FHIP1A: variants seen among roughly 807,000 people sequenced by gnomAD.
The protein encoded by FHIP1A is FHF complex subunit HOOK-interacting protein 1A.
A neutral mutation model predicts 88.6 loss-of-function variants in FHIP1A; 61 were observed. The ratio of observed to expected loss-of-function variants is 0.69; its 90% CI spans 0.56 to 0.85. The LOEUF (loss-of-function observed/expected upper bound fraction) is 0.85. Ranked by LOEUF, FHIP1A falls within the 40% of genes least tolerant of loss-of-function variation. FHIP1A has a pLI of 0.00. For missense variants in FHIP1A, 1,154 were observed against 1,273.5 expected, an observed-to-expected ratio of 0.91 and a Z score of 1.43; for synonymous variants, 478 against 496.0, an observed-to-expected ratio of 0.96 and a Z score of 0.48.
rs115786872 is a variant in FHIP1A, at chr4:151,429,370, C to T, written c.-356+19905C>T. On this transcript the variant is annotated intron_variant, in intron 1 of 13. Coordinates refer to ENST00000435205, the MANE Select transcript of FHIP1A (RefSeq NM_001109977.3). The stretch of plus-strand genomic sequence containing the variant: ...TATGGCCATCATCTAGTTAATTAAG[C>T]GCACACACAATACCAATACCAAAGA... Among the ~76,000 whole-genome samples the T allele has an allele frequency of 4.7e-3, 714 of 152,230 alleles. 3 individuals carry two copies. The highest frequency in any genetic ancestry group is 0.016 in the African/African-American group (659 of 41,530).
intron 3 of FHIP1A, among the ~76,000 whole-genome samples, chr4:151,517,877 A>G (rs1032474771): frequency 2.0e-5 from 3 of 152,182 alleles, no homozygotes; most frequent in Non-Finnish European, 4.4e-5. Flanking sequence ...GTACAGCTGT[A>G]CAATCTGTGT....
At chr4:151,654,077 T>G (rs367899214) in intron 11 of FHIP1A, among the ~76,000 whole-genome samples, 10 of 152,012 alleles carry the variant, frequency 6.6e-5, no homozygotes, top group South Asian at 6.2e-4. Context: ...GCAGGGTTTT[T>G]TTTTTTTTTT....
At chr4:151,476,321 AT>A (rs1224275904) in intron 2 of FHIP1A, among the ~76,000 whole-genome samples, 1 of 150,314 alleles carries the variant, frequency 6.7e-6, no homozygotes, top group African/African-American at 2.4e-5. Flanking sequence ...TTTTTATTTC[AT>A]TTTTTTTGTC....
chr4:151,585,017 ACT>A (rs1734156968), intron 5 of FHIP1A, among the ~76,000 whole-genome samples: 1 of 152,102 alleles, frequency 6.6e-6, no homozygotes, highest in Admixed American at 6.6e-5. Flanking sequence ...CATTTCTAAC[ACT>A]GTTTTAATTG....
intron 7 of FHIP1A, among the ~76,000 whole-genome samples, chr4:151,589,654 G>A (rs6853955): frequency 0.26 from 39,663 of 152,084 alleles, 5,819 homozygotes; most frequent in Non-Finnish European, 0.33. Flanking sequence ...TTGATCATAT[G>A]TTGTTTTGAT....
At chr4:151,590,984 T>C (rs1734401863) in intron 7 of FHIP1A, among the ~76,000 whole-genome samples, 1 of 152,224 alleles carries the variant, frequency 6.6e-6, no homozygotes, top group Admixed American at 6.5e-5. Flanking sequence ...TTGTATCCAT[T>C]GCAGACAATT....
intron 3 of FHIP1A, among the ~76,000 whole-genome samples, chr4:151,506,962 T>C (rs1179814005): frequency 6.6e-6 from 1 of 152,102 alleles, no homozygotes; most frequent in African/African-American, 2.4e-5. Flanking sequence ...AAAAAATAAA[T>C]CAAATATGAC....
At chr4:151,430,822 G>T (rs956478586) in intron 1 of FHIP1A, among the ~76,000 whole-genome samples, 1 of 152,092 alleles carries the variant, frequency 6.6e-6, no homozygotes, top group Non-Finnish European at 1.5e-5. Flanking sequence ...TATAGTAGAC[G>T]GCTCTGTAAG....
rs1737259910 is a variant in FHIP1A, at chr4:151,656,809, G to A, written c.2780G>A (p.Arg927Lys). 3 of 1,551,702 alleles carry A rather than the reference G, an allele frequency of 1.9e-6. No homozygotes were observed. The highest frequency in any genetic ancestry group is 2.6e-6 in the Non-Finnish European group (3 of 1,146,980). ...ATTGAACAGTTTGCTTCTGTGGAGA[G>A]AGACTTCCCAGGGCTCCTCATTCAA... is the stretch of plus-strand genomic sequence containing the variant. ...NKIEQFASVE[R>K]DFPGLLIQAQ... Residue 927 changes from arginine (R) to lysine (K), a missense_variant, in exon 13 of 14, where the codon AGA becomes AAA. Arg to Lys is a conservative substitution (Grantham distance 26, BLOSUM62 2). Coordinates refer to ENST00000435205, the MANE Select transcript of FHIP1A (RefSeq NM_001109977.3). This position sits in a 1 kb window ranked among gnomAD's most constrained non-coding sequence, Gnocchi z 4.2.
chr4:151,658,168 GGTAA>G (rs1402905102), intron 13 of FHIP1A, among the ~76,000 whole-genome samples: 1 of 152,218 alleles, frequency 6.6e-6, no homozygotes, highest in Non-Finnish European at 1.5e-5. Flanking sequence ...ACACATGGGT[GGTAA>G]GTGTGTGACC....
rs1398182547 is a variant in FHIP1A at position 151,656,400 on chromosome 4, C to A, written c.2720C>A (p.Ser907Tyr). ...TNMVFQPSVR[S>Y]LYQVLASVKN... ...ATGGTCTTCCAGCCAAGCGTCCGCT[C>A]TCTCTATCAGGTATGTTAGCTGAAC... Residue 907 changes from serine (S) to tyrosine (Y), a missense_variant, in exon 12 of 14, where the codon TCT becomes TAT. By Grantham distance (144) the Ser-to-Tyr change is moderately radical (BLOSUM62 -2). Coordinates refer to ENST00000435205, the MANE Select transcript of FHIP1A (RefSeq NM_001109977.3). This position sits in a 1 kb window ranked among gnomAD's most constrained non-coding sequence, Gnocchi z 4.2. The A allele has an allele frequency of 6.4e-7, 1 of 1,551,474 alleles. No individual in the cohort carries two copies. Among genetic ancestry groups the A allele is most frequent in the Non-Finnish European group, 8.7e-7 (1 of 1,146,794 alleles).
intron 2 of FHIP1A, among the ~76,000 whole-genome samples, chr4:151,478,492 G>A (rs1017118657): frequency 1.3e-5 from 2 of 152,012 alleles, no homozygotes; most frequent in East Asian, 1.9e-4. Flanking sequence ...GGAAGAGGGC[G>A]GTCATCTCAT....
At chr4:151,445,762 G>A (rs577332584) in intron 1 of FHIP1A, among the ~76,000 whole-genome samples, 3 of 150,404 alleles carry the variant, frequency 2.0e-5, no homozygotes, top group African/African-American at 7.3e-5. Context: ...GGCTAAGGCA[G>A]GAGGATTGCT....
intron 5 of FHIP1A, among the ~76,000 whole-genome samples, chr4:151,584,687 C>T (rs946157884): frequency 6.6e-6 from 1 of 152,108 alleles, no homozygotes; most frequent in African/African-American, 2.4e-5. Flanking sequence ...CTCATGTTGT[C>T]CTATAAAACC....
chr4:151,626,164 C>T (rs376091336), intron 7 of FHIP1A, among the ~76,000 whole-genome samples: 6 of 152,190 alleles, frequency 3.9e-5, no homozygotes, highest in Non-Finnish European at 7.3e-5. Flanking sequence ...CAAAACAGGA[C>T]TTGCCCTTAC....
chr4:151,636,527 AGAAT>A (rs1445988225), intron 8 of FHIP1A, among the ~76,000 whole-genome samples: 5 of 152,072 alleles, frequency 3.3e-5, no homozygotes, highest in Non-Finnish European at 5.9e-5. Flanking sequence ...TAAAATTGTT[AGAAT>A]GAATGAGTCT....
intron 2 of FHIP1A, among the ~76,000 whole-genome samples, chr4:151,469,063 A>C (rs1193869826): frequency 6.6e-6 from 1 of 152,216 alleles, no homozygotes; most frequent in Admixed American, 6.5e-5. Flanking sequence ...AGTAGTCTTC[A>C]TGAGATTCTG....
chr4:151,644,284 C>G (rs1298367654), intron 9 of FHIP1A, among the ~76,000 whole-genome samples: 1 of 152,078 alleles, frequency 6.6e-6, no homozygotes, highest in East Asian at 1.9e-4. Flanking sequence ...CCCCCAAACC[C>G]CCCACCCAAC....
Position 151,442,359 on chromosome 4 carries a change from C to T in FHIP1A, c.-355-12342C>T, listed in dbSNP as rs1232727334. Among the ~76,000 whole-genome samples the T allele has an allele frequency of 3.3e-5, 5 of 152,028 alleles. No homozygotes were observed. In the East Asian group the frequency reaches 7.7e-4, roughly 23 times the overall value. ...TTAAAAAAAAATCAACAGAAAAACCCCCCAAACCTTAAAAATGTAGAATCT... is the reference window on the plus strand; with the variant it reads ...TTAAAAAAAAATCAACAGAAAAACCTCCCAAACCTTAAAAATGTAGAATCT... On this transcript the variant is annotated intron_variant, in intron 1 of 13. Coordinates refer to ENST00000435205, the MANE Select transcript of FHIP1A (RefSeq NM_001109977.3).
Sources: gnomAD v4.1 joint callset for allele counts (sites outside exome capture counted in the v4.1 genomes callset) on GRCh38, gnomAD v4.1.1 for gene constraint, Gnocchi (gnomAD v3.1) non-coding constraint, MANE v1.5 for transcripts, NCBI Gene and HGNC (gene_info 2026-07-23, HGNC 2026-07-21) for gene names.